The following TMEM114 variants were observed in gnomAD, a reference collection of about 807,000 sequenced individuals.
TMEM114 encodes claudin-26.
In TMEM114, 6 loss-of-function variants were observed where a neutral mutation model predicts 6.2. The ratio of observed to expected loss-of-function variants is 0.97; its 90% CI spans 0.53 to 1.91. TMEM114 has a LOEUF of 1.91. Among genes scored for constraint, TMEM114 ranks in the 40% most tolerant of loss-of-function variants. The probability of loss-of-function intolerance (pLI) is 0.01; values close to 1 mark genes in which losing one functional copy is unlikely to be tolerated. For missense variants in TMEM114, 218 were observed against 158.3 expected (o/e 1.38, Z -2.02); for synonymous variants, 104 against 73.0 (o/e 1.42, Z -2.16).
chr16:8,569,959 G>T lies in TMEM114; in HGVS notation c.486C>A (p.Ala162=), dbSNP rs577332706. ...GACACAGCGCCTCCCGGAAGGCGGC[G>T]GCTGAATACGCTATGTAGACGCTGA... The part of the protein sequence containing the change: ...AGISVYIAYS[A]AAFREALCLL... Residue 162 remains alanine (A), a synonymous_variant, in exon 4 of 4, where the codon GCC becomes GCA. Coordinates refer to ENST00000620492, the MANE Select transcript of TMEM114 (RefSeq NM_001146336.2). 115 of 1,550,990 alleles carry T rather than the reference G, an allele frequency of 7.4e-5. No individual in the cohort carries two copies. The African/African-American group carries it at 1.2e-3, about 16-fold the overall frequency.
intron 2 of TMEM114, among the ~76,000 whole-genome samples, chr16:8,577,738 C>G (rs921988336): frequency 6.6e-6 from 1 of 151,346 alleles, no homozygotes; most frequent in Non-Finnish European, 1.5e-5. Flanking sequence ...CGCCCGCCAT[C>G]CCTCCTGGCG....
chr16:8,556,033 T>C (rs1291228519), intron 2 of TMEM114, among the ~76,000 whole-genome samples: 2 of 152,238 alleles, frequency 1.3e-5, no homozygotes, highest in East Asian at 3.9e-4. Flanking sequence ...CCTGTCGGCA[T>C]GCCTCCTGGC....
chr16:8,544,525 G>A (rs1900603167), intron 2 of TMEM114, among the ~76,000 whole-genome samples: 1 of 152,188 alleles, frequency 6.6e-6, no homozygotes, highest in Admixed American at 6.5e-5. Context: ...TATTGCTACA[G>A]GATACATGTG....
At chr16:8,577,780 T>C (rs1901992322) in intron 2 of TMEM114, among the ~76,000 whole-genome samples, 1 of 152,030 alleles carries the variant, frequency 6.6e-6, no homozygotes, top group South Asian at 2.1e-4. Context: ...AGAGACGGCA[T>C]TTCACCATAT....
chr16:8,528,675 T>A, the TMEM114 span, among the ~76,000 whole-genome samples: 1 of 152,248 alleles, frequency 6.6e-6, no homozygotes, highest in Non-Finnish European at 1.5e-5. Context: ...CATTGTCAGC[T>A]TTCAACATGA....
intron 2 of TMEM114, among the ~76,000 whole-genome samples, chr16:8,558,760 G>C (rs60081188): frequency 1.5e-5 from 2 of 137,404 alleles, no homozygotes; most frequent in Admixed American, 1.5e-4. Context: ...TTTTTTTTTC[G>C]ACATGGAGTT....
chr16:8,552,767 C>T (rs1306964656), intron 2 of TMEM114, among the ~76,000 whole-genome samples: 3 of 151,850 alleles, frequency 2.0e-5, no homozygotes, highest in Admixed American at 1.3e-4. Context: ...AATTCTCTAA[C>T]TCAGGGACCC....
chr16:8,548,114 C>A (rs544322508), intron 2 of TMEM114, among the ~76,000 whole-genome samples: 3 of 152,314 alleles, frequency 2.0e-5, no homozygotes, highest in Admixed American at 2.0e-4. Flanking sequence ...AAAGCCTGTT[C>A]TTCAAATAAG....
intron 2 of TMEM114, among the ~76,000 whole-genome samples, chr16:8,581,486 C>G (rs1902146778): frequency 6.6e-6 from 1 of 152,206 alleles, no homozygotes; most frequent in Non-Finnish European, 1.5e-5. Flanking sequence ...CAGGGTCCCA[C>G]TCTATTGCCC....
At chr16:8,527,498 G>A in the TMEM114 span, among the ~76,000 whole-genome samples, 1 of 152,114 alleles carries the variant, frequency 6.6e-6, no homozygotes, top group African/African-American at 2.4e-5. Context: ...CACAAAATAA[G>A]ATAACAACTG....
downstream of TMEM114, among the ~76,000 whole-genome samples, chr16:8,535,550 T>C (rs1254055104): frequency 1.3e-5 from 2 of 152,188 alleles, no homozygotes; most frequent in Non-Finnish European, 2.9e-5. Flanking sequence ...TTGCCAAGTA[T>C]TAATAATATT....
chr16:8,528,243 T>TGC, the TMEM114 span, among the ~76,000 whole-genome samples: 1 of 151,120 alleles, frequency 6.6e-6, no homozygotes, highest in South Asian at 2.1e-4. Context: ...TCACCCAAAA[T>TGC]GCGCACACAC....
intron 2 of TMEM114, among the ~76,000 whole-genome samples, chr16:8,563,667 AAGTAAGTGAATG>A (rs1405217061): frequency 1.8e-4 from 24 of 135,478 alleles, no homozygotes; most frequent in East Asian, 1.4e-3. Flanking sequence ...GTGAGCGAAT[AAGTAAGTGAATG>A]AGTAAGTGAA....
At chr16:8,551,556 G>C (rs778455059) in intron 2 of TMEM114, among the ~76,000 whole-genome samples, 23 of 152,188 alleles carry the variant, frequency 1.5e-4, no homozygotes, top group Non-Finnish European at 3.1e-4. Context: ...CCAAAGCAAA[G>C]AGAGAAAGTC....
intron 2 of TMEM114, among the ~76,000 whole-genome samples, chr16:8,561,734 G>C (rs1567201661): frequency 6.6e-6 from 1 of 151,898 alleles, no homozygotes; most frequent in Non-Finnish European, 1.5e-5. Context: ...AGGGAGGAAG[G>C]CAATGAGTGG....
intron 2 of TMEM114, among the ~76,000 whole-genome samples, chr16:8,555,388 A>C (rs34150600): frequency 6.6e-6 from 1 of 151,894 alleles, no homozygotes; most frequent in African/African-American, 2.4e-5. Flanking sequence ...GCAGTTTTGC[A>C]GTCGTCTTTA....
At chr16:8,533,990 A>G (rs1204203004), downstream of TMEM114, among the ~76,000 whole-genome samples, 1 of 152,172 alleles carries the variant, frequency 6.6e-6, no homozygotes, top group Non-Finnish European at 1.5e-5. Context: ...CCTGGCACCC[A>G]GTACCTCTTT....
At chr16:8,567,726 G>T (rs962202925), downstream of TMEM114, among the ~76,000 whole-genome samples, 1 of 152,188 alleles carries the variant, frequency 6.6e-6, no homozygotes, top group African/African-American at 2.4e-5. Flanking sequence ...ATTTAATCCA[G>T]CACTTGGGCG....
At chr16:8,557,627 C>G (rs1007835137) in intron 2 of TMEM114, among the ~76,000 whole-genome samples, 5 of 152,210 alleles carry the variant, frequency 3.3e-5, no homozygotes, top group Non-Finnish European at 7.3e-5. Context: ...CTTAAGAACA[C>G]AGGTGCTGGT....
Sources: gnomAD v4.1 joint callset for allele counts (sites outside exome capture counted in the v4.1 genomes callset) on GRCh38, gnomAD v4.1.1 for gene constraint, MANE v1.5 for transcripts, NCBI Gene and HGNC (gene_info 2026-07-23, HGNC 2026-07-21) for gene names.